RBFOX1: variants seen among roughly 807,000 people sequenced by gnomAD.
RBFOX1 encodes RNA binding fox-1 homolog 1.
Under a neutral mutation model 57.7 loss-of-function variants are expected in RBFOX1, and 8 were observed. The ratio of observed to expected loss-of-function variants is 0.14; its 90% CI spans 0.08 to 0.25. The LOEUF is 0.25. Among genes scored for constraint, RBFOX1 ranks in the 10% least tolerant of loss-of-function variants. The probability of loss-of-function intolerance (pLI) is 1.00; values close to 1 mark genes in which losing one functional copy is unlikely to be tolerated. For synonymous variants in RBFOX1, 326 were observed against 222.4 expected (o/e 1.47, Z -4.15); for missense variants, 611 against 548.5 (o/e 1.11, Z -1.14).
chr16:5,460,264 A>T (rs1330620124), intron 1 of RBFOX1, among the ~76,000 whole-genome samples: 2 of 152,140 alleles, frequency 1.3e-5, no homozygotes, highest in African/African-American at 4.8e-5. Context: ...CAACCCTCAG[A>T]CCTTTACTTC....
intron 2 of RBFOX1, among the ~76,000 whole-genome samples, chr16:6,336,423 G>C (rs1181263073): frequency 2.0e-5 from 3 of 151,444 alleles, no homozygotes; most frequent in African/African-American, 7.3e-5. Flanking sequence ...AGTTGAAATG[G>C]GGACCCTATG....
At chr16:7,421,189 A>G (rs1440872385) in intron 4 of RBFOX1, among the ~76,000 whole-genome samples, 1 of 152,142 alleles carries the variant, frequency 6.6e-6, no homozygotes, top group Admixed American at 6.5e-5. Flanking sequence ...AGAGCACAGT[A>G]GGAGAAGAAA....
At chr16:6,256,643 T>C (rs970115706) in intron 1 of RBFOX1, among the ~76,000 whole-genome samples, 1 of 152,112 alleles carries the variant, frequency 6.6e-6, no homozygotes, top group African/African-American at 2.4e-5. Context: ...ACTGACACTT[T>C]AGCCAGAACA....
chr16:6,404,553 CA>C (rs2093204375), intron 2 of RBFOX1, among the ~76,000 whole-genome samples: 1 of 152,116 alleles, frequency 6.6e-6, no homozygotes, highest in South Asian at 2.1e-4. Flanking sequence ...TATTTCATGC[CA>C]GAGTGAGTTA....
rs148994865 is a variant in RBFOX1, at chr16:5,667,957, C to T, written c.318+68996C>T. On this transcript the variant is annotated intron_variant, in intron 3 of 19. Coordinates refer to the RBFOX1 transcript ENST00000641259. ...GTAGACCACTTTGAGGGGATGGCAG[C>T]AGTTGCCCTGGTTGGCTTCTTAATG... 3.4e-3 allele frequency among the ~76,000 whole-genome samples: 521 copies of T among 152,176 alleles called. 3 individuals are homozygous for T. The highest frequency in any genetic ancestry group is 0.011 in the African/African-American group (452 of 41,538).
At chr16:5,247,140 C>T (rs577210948) in intron 1 of RBFOX1, among the ~76,000 whole-genome samples, 1 of 152,180 alleles carries the variant, frequency 6.6e-6, no homozygotes, top group East Asian at 1.9e-4. Context: ...TGTACATACA[C>T]CACATTGTTG....
At chr16:7,159,959 C>T (rs1001821702) in intron 4 of RBFOX1, among the ~76,000 whole-genome samples, 1 of 152,124 alleles carries the variant, frequency 6.6e-6, no homozygotes, top group East Asian at 1.9e-4. Flanking sequence ...TATCAGAATT[C>T]CTTCCTTGAG....
intron 4 of RBFOX1, among the ~76,000 whole-genome samples, chr16:7,293,882 G>T (rs576640501): frequency 6.6e-6 from 1 of 152,114 alleles, no homozygotes; most frequent in Non-Finnish European, 1.5e-5. Flanking sequence ...TTTGACCTGT[G>T]TTCCAGGATG....
chr16:5,551,388 A>G (rs1239932095), intron 2 of RBFOX1, among the ~76,000 whole-genome samples: 1 of 152,242 alleles, frequency 6.6e-6, no homozygotes, highest in Non-Finnish European at 1.5e-5. Flanking sequence ...TGGACGGGAC[A>G]CAGCCAGAGC....
intron 1 of RBFOX1, among the ~76,000 whole-genome samples, chr16:5,415,001 C>T (rs549320352): frequency 2.0e-5 from 3 of 152,126 alleles, no homozygotes; most frequent in Admixed American, 6.5e-5. Context: ...TTCCGTGTGC[C>T]AGGTTATATG....
At chr16:7,357,683 G>A (rs551102861) in intron 4 of RBFOX1, among the ~76,000 whole-genome samples, 12 of 152,172 alleles carry the variant, frequency 7.9e-5, no homozygotes, top group Non-Finnish European at 1.8e-4. Context: ...AGTCTCGGTT[G>A]CAATGTCAGT....
chr16:6,953,493 C>T (rs372425035), intron 3 of RBFOX1, among the ~76,000 whole-genome samples: 7 of 152,050 alleles, frequency 4.6e-5, no homozygotes, highest in Non-Finnish European at 8.8e-5. Flanking sequence ...TCAAGCGATT[C>T]TTCTGCTTCA....
intron 3 of RBFOX1, among the ~76,000 whole-genome samples, chr16:5,761,893 C>T (rs1451084363): frequency 1.3e-5 from 2 of 152,130 alleles, no homozygotes; most frequent in Admixed American, 1.3e-4. Context: ...CCTTACACAG[C>T]TTCCCCTGAC....
In RBFOX1 at chr16:7,155,748, C is replaced by G. The variant is rs1453339172; in HGVS notation, c.27+103650C>G. ...ATATATATATATATATACACACACA[C>G]ACACACACACACACACATATATATA... is the stretch of plus-strand genomic sequence containing the variant. On this transcript the variant is annotated intron_variant, in intron 4 of 15. Coordinates refer to ENST00000550418, the MANE Select transcript of RBFOX1 (RefSeq NM_018723.4). Among the ~76,000 whole-genome samples, 7 of 136,726 alleles carry G rather than the reference C, an allele frequency of 5.1e-5. 1 individual carries two copies. The highest frequency in any genetic ancestry group is 8.5e-5 in the African/African-American group (3 of 35,190). 89.7% of individuals were successfully genotyped at this position (136,726 alleles called of 152,430 possible). A position where few individuals can be genotyped will look rare whatever the true frequency, so the allele number is the denominator to read the frequency against.
chr16:7,128,411 T>C (rs936330339), intron 4 of RBFOX1, among the ~76,000 whole-genome samples: 4 of 152,156 alleles, frequency 2.6e-5, no homozygotes, highest in Non-Finnish European at 5.9e-5. Context: ...AGAGTGACCA[T>C]GAGTCTGATA....
chr16:7,269,191 C>G (rs911852950), intron 4 of RBFOX1, among the ~76,000 whole-genome samples: 1 of 151,592 alleles, frequency 6.6e-6, no homozygotes, highest in Non-Finnish European at 1.5e-5. Flanking sequence ...CCAGAATATA[C>G]AGCACGTTGG....
intron 4 of RBFOX1, among the ~76,000 whole-genome samples, chr16:7,253,848 G>C (rs2094576996): frequency 6.6e-6 from 1 of 152,098 alleles, no homozygotes; most frequent in South Asian, 2.1e-4. Flanking sequence ...GCACATGAGA[G>C]CTCTTGAGAA....
At chr16:5,348,165 C>G (rs1320109014) in intron 1 of RBFOX1, among the ~76,000 whole-genome samples, 12 of 151,604 alleles carry the variant, frequency 7.9e-5, no homozygotes, top group Non-Finnish European at 1.3e-4. Flanking sequence ...CACCCATCCA[C>G]CTGTCTTTCC....
At chr16:5,335,554 G>A (rs530922240) in intron 1 of RBFOX1, among the ~76,000 whole-genome samples, 5 of 152,300 alleles carry the variant, frequency 3.3e-5, no homozygotes, top group African/African-American at 1.2e-4. Context: ...GTCACTGGGG[G>A]ATTAGGGGAC....
Sources: gnomAD v4.1 joint callset for allele counts (sites outside exome capture counted in the v4.1 genomes callset) on GRCh38, gnomAD v4.1.1 for gene constraint, MANE v1.5 for transcripts, NCBI Gene and HGNC (gene_info 2026-07-23, HGNC 2026-07-21) for gene names.